NRXN1: variants seen among roughly 807,000 people sequenced by gnomAD.
The protein encoded by NRXN1 is neurexin 1.
Under a neutral mutation model 150.9 loss-of-function variants are expected in NRXN1, and 39 were observed. That is an observed-to-expected ratio of 0.26 (90% CI 0.20 to 0.34). NRXN1 has a LOEUF of 0.34. NRXN1 is among the 10% of genes least tolerant of loss of function. The pLI, the probability that NRXN1 is intolerant of heterozygous loss-of-function variation, is 1.00. For missense variants in NRXN1, 1,815 were observed against 1,949.9 expected (o/e 0.93, Z 1.30); for synonymous variants, 924 against 757.0 (o/e 1.22, Z -3.62).
At chr2:50,761,699 G>C (rs1295685169) in intron 5 of NRXN1, among the ~76,000 whole-genome samples, 1 of 151,828 alleles carries the variant, frequency 6.6e-6, no homozygotes, top group Non-Finnish European at 1.5e-5. Flanking sequence ...TGCCAAAAGA[G>C]ATTAACATTT....
chr2:50,342,709 T>C (rs2077639282), intron 17 of NRXN1, among the ~76,000 whole-genome samples: 1 of 152,250 alleles, frequency 6.6e-6, no homozygotes. Context: ...ACCATGTATC[T>C]TGTAATTATT....
chr2:50,800,899 A>T (rs889207228), intron 5 of NRXN1, among the ~76,000 whole-genome samples: 1 of 152,168 alleles, frequency 6.6e-6, no homozygotes, highest in African/African-American at 2.4e-5. Flanking sequence ...ATTTTTAATG[A>T]CATTTGGAAC....
At chr2:50,254,562 A>G (rs2067509357) in intron 17 of NRXN1, among the ~76,000 whole-genome samples, 1 of 150,544 alleles carries the variant, frequency 6.6e-6, no homozygotes, top group Non-Finnish European at 1.5e-5. Context: ...AGTGCTCTAA[A>G]TTTCCCTCTT....
At position 50,183,892 on chromosome 2, in the gene NRXN1, A is replaced by G. The variant is rs528242349; in HGVS notation, c.3546+52897T>C. Among the ~76,000 whole-genome samples the G allele has an allele frequency of 6.9e-4, 105 of 152,056 alleles. No homozygotes were observed. In the South Asian group the frequency reaches 0.011, roughly 16 times the overall value. ...TTTCACCTGGTGGGGAGCTGCAGGC[A>G]GGCACCGGTTGTGCTTTAAGTAAGT... On this transcript the variant is annotated intron_variant, in intron 18 of 22. Transcript: ENST00000401669.
intron 17 of NRXN1, among the ~76,000 whole-genome samples, chr2:50,398,185 T>C (rs2082165344): frequency 6.6e-6 from 1 of 152,262 alleles, no homozygotes; most frequent in South Asian, 2.1e-4. Context: ...CTCCCAGCAC[T>C]TGTAGAACTG....
intron 18 of NRXN1, among the ~76,000 whole-genome samples, chr2:50,172,861 G>T (rs897591384): frequency 1.3e-5 from 2 of 152,174 alleles, no homozygotes; most frequent in Non-Finnish European, 2.9e-5. Flanking sequence ...CAGCCACTTG[G>T]GAGGCTGAGA....
At chr2:50,776,143 G>C (rs1703609183) in intron 5 of NRXN1, among the ~76,000 whole-genome samples, 1 of 151,974 alleles carries the variant, frequency 6.6e-6, no homozygotes. Context: ...TGGATCATTA[G>C]GCACAAGTTT....
In NRXN1 at chr2:50,509,117, T is replaced by A. The variant is rs558366377; in HGVS notation, c.2375-2500A>T. On this transcript the variant is annotated intron_variant, in intron 12 of 22. Transcript: ENST00000401669. ...GAAGGCCTATAAAGCTACAACTACTTGTCGCCAGGTCACACAGCTAAAAAG... is the reference window on the plus strand; with the variant it reads ...GAAGGCCTATAAAGCTACAACTACTAGTCGCCAGGTCACACAGCTAAAAAG... Among the ~76,000 whole-genome samples, 3 of 152,312 alleles carry A rather than the reference T, an allele frequency of 2.0e-5. No individual in the cohort carries two copies. The South Asian group carries it at 6.2e-4, about 32-fold the overall frequency.
intron 5 of NRXN1, among the ~76,000 whole-genome samples, chr2:50,684,955 G>A (rs1160500383): frequency 6.6e-6 from 1 of 152,138 alleles, no homozygotes; most frequent in African/African-American, 2.4e-5. Context: ...CAGAGAATTT[G>A]AACTTGGAGA....
At chr2:50,945,881 T>G (rs1240236759) in intron 2 of NRXN1, among the ~76,000 whole-genome samples, 11 of 134,234 alleles carry the variant, frequency 8.2e-5, no homozygotes, top group African/African-American at 3.2e-4. Flanking sequence ...AAAACAGATA[T>G]ATATATATAT....
chr2:50,481,089 G>A (rs1411133194), intron 15 of NRXN1, among the ~76,000 whole-genome samples: 1 of 152,198 alleles, frequency 6.6e-6, no homozygotes, highest in African/African-American at 2.4e-5. Context: ...ATGGTTTAGG[G>A]CTACAATACC....
intron 17 of NRXN1, among the ~76,000 whole-genome samples, chr2:50,303,109 T>C (rs2074313153): frequency 6.6e-6 from 1 of 152,162 alleles, no homozygotes; most frequent in African/African-American, 2.4e-5. Context: ...TGTAAACTCA[T>C]CTTCTCATCT....
At chr2:50,453,785 G>T (rs924717114) in intron 17 of NRXN1, among the ~76,000 whole-genome samples, 9 of 152,094 alleles carry the variant, frequency 5.9e-5, no homozygotes, top group African/African-American at 2.2e-4. Context: ...GCAGAGCACA[G>T]AAGTGATATG....
intron 18 of NRXN1, among the ~76,000 whole-genome samples, chr2:50,180,436 G>C (rs2060635092): frequency 6.6e-6 from 1 of 152,122 alleles, no homozygotes; most frequent in Admixed American, 6.6e-5. Context: ...GCCTGAATGT[G>C]TCCCCCAGAA....
chr2:50,194,118 G>C (rs962328951), intron 18 of NRXN1, among the ~76,000 whole-genome samples: 1 of 152,134 alleles, frequency 6.6e-6, no homozygotes, highest in Non-Finnish European at 1.5e-5. Flanking sequence ...TCAGACCCAG[G>C]TGGTCTGGTT....
chr2:50,529,310 A>G (rs2093038028), intron 11 of NRXN1, among the ~76,000 whole-genome samples: 1 of 152,190 alleles, frequency 6.6e-6, no homozygotes, highest in South Asian at 2.1e-4. Flanking sequence ...TCATTATTCA[A>G]GGCACACAAG....
At chr2:50,633,105 C>G (rs1024490201) in intron 5 of NRXN1, 1 of 152,044 alleles carries the variant, frequency 6.6e-6, no homozygotes, top group Admixed American at 6.6e-5. Flanking sequence ...ACTGCATTTA[C>G]GGTTCTCCCT....
intron 5 of NRXN1, among the ~76,000 whole-genome samples, chr2:50,717,845 C>T (rs1187124190): frequency 6.6e-6 from 1 of 152,002 alleles, no homozygotes; most frequent in African/African-American, 2.4e-5. Flanking sequence ...TTGTAAGAGA[C>T]CCTTTTGTAA....
At chr2:49,941,190 T>C (rs1671913136) in intron 22 of NRXN1, among the ~76,000 whole-genome samples, 1 of 151,722 alleles carries the variant, frequency 6.6e-6, no homozygotes, top group African/African-American at 2.4e-5. Context: ...GAAAAACAAA[T>C]ACGTAAACAT....
Sources: gnomAD v4.1 joint callset for allele counts (sites outside exome capture counted in the v4.1 genomes callset) on GRCh38, gnomAD v4.1.1 for gene constraint, MANE v1.5 for transcripts, NCBI Gene and HGNC (gene_info 2026-07-23, HGNC 2026-07-21) for gene names.